MTMR9: variants seen among roughly 807,000 people sequenced by gnomAD.
The protein encoded by MTMR9 is myotubularin related protein 9.
A neutral mutation model predicts 69.5 loss-of-function variants in MTMR9; 39 were observed. That is an observed-to-expected ratio of 0.56 (90% CI 0.43 to 0.73). The LOEUF is 0.73. Ranked by LOEUF, MTMR9 falls within the 30% of genes least tolerant of loss-of-function variation. The pLI is 0.00. For missense variants in MTMR9, 900 were observed against 671.2 expected (o/e 1.34, Z -3.77); for synonymous variants, 354 against 240.8 (o/e 1.47, Z -4.35).
chr8:11,308,102 A>C (rs1800034177), intron 5 of MTMR9, among the ~76,000 whole-genome samples: 1 of 152,180 alleles, frequency 6.6e-6, no homozygotes, highest in Non-Finnish European at 1.5e-5. Context: ...GTCATATCCA[A>C]AATAACTTTT....
intron 3 of MTMR9, among the ~76,000 whole-genome samples, chr8:11,301,551 C>G (rs1799748655): frequency 6.6e-6 from 1 of 152,186 alleles, no homozygotes; most frequent in Admixed American, 6.5e-5. Context: ...TATCAAACCT[C>G]TTTAAGAAAG....
chr8:11,310,631 A>G (rs1800159983), intron 6 of MTMR9, among the ~76,000 whole-genome samples: 1 of 152,140 alleles, frequency 6.6e-6, no homozygotes, highest in South Asian at 2.1e-4. Flanking sequence ...TACCTAATAA[A>G]CTGTGGGAAT....
At chr8:11,311,406 T>C (rs145221712) in intron 6 of MTMR9, among the ~76,000 whole-genome samples, 119 of 152,342 alleles carry the variant, frequency 7.8e-4, no homozygotes, top group African/African-American at 2.8e-3. Flanking sequence ...CTTAGAGATG[T>C]TGCAGGTTTG....
intron 1 of MTMR9, chr8:11,294,918 TC>T (rs1482549308): frequency 9.5e-6 from 2 of 211,558 alleles, no homozygotes; most frequent in African/African-American, 4.7e-5. Flanking sequence ...CAGATCTTTT[TC>T]CTATTCTTTG....
At chr8:11,335,764 A>G in the MTMR9 span, among the ~76,000 whole-genome samples, 1 of 152,194 alleles carries the variant, frequency 6.6e-6, no homozygotes, top group South Asian at 2.1e-4. Flanking sequence ...CTCTGCCTTC[A>G]TCTATACATG....
At chr8:11,335,939 A>T in the MTMR9 span, among the ~76,000 whole-genome samples, 1 of 152,186 alleles carries the variant, frequency 6.6e-6, no homozygotes, top group South Asian at 2.1e-4. Context: ...CAACACGTGA[A>T]GTTGGGGGGA....
At chr8:11,312,413 C>A (rs551031065) in intron 6 of MTMR9, among the ~76,000 whole-genome samples, 2 of 152,218 alleles carry the variant, frequency 1.3e-5, no homozygotes, top group South Asian at 2.1e-4. Flanking sequence ...GTGGCACAGC[C>A]ATAGCTCATT....
downstream of MTMR9, among the ~76,000 whole-genome samples, chr8:11,330,093 C>T (rs1245557933): frequency 6.6e-5 from 10 of 151,814 alleles, no homozygotes; most frequent in East Asian, 9.8e-4. Flanking sequence ...CCGCCCCATC[C>T]GGGAGGGAGG....
rs1800113239 is a variant in MTMR9, at chr8:11,309,673, C to T, written c.956C>T (p.Ala319Val). The T allele has an allele frequency of 6.2e-7, 1 of 1,613,716 alleles. No individual in the cohort carries two copies. Among genetic ancestry groups the T allele is most frequent in the Non-Finnish European group, 8.5e-7 (1 of 1,179,848 alleles). ...ATTCTGACAACTGCCTGCCTAGCGG[C>T]TCAGTGCATCGACAGGTAAAGTGCA... Reference protein sequence around the residue: ...KEILTTACLAAQCIDREGASI... With the variant: ...KEILTTACLAVQCIDREGASI... The change falls in exon 6 of 10, where the codon GCT becomes GTT. Residue 319 changes from alanine to valine, a missense_variant. Physicochemically the swap from Ala to Val is moderately conservative, Grantham distance 64. Coordinates refer to ENST00000221086, the MANE Select transcript of MTMR9 (RefSeq NM_015458.4).
In MTMR9 at chr8:11,294,107, G is replaced by C. The variant is rs559894454; in HGVS notation, c.183-1087G>C. On this transcript the variant is annotated intron_variant, in intron 1 of 9. Transcript: ENST00000221086. ...CTGTGATTTTGTTTGGAATTATGTTGTATCACTGGATGAATTTGGGGAATA... is the reference window on the plus strand; with the variant it reads ...CTGTGATTTTGTTTGGAATTATGTTCTATCACTGGATGAATTTGGGGAATA... Among the ~76,000 whole-genome samples, 11 of 152,272 alleles carry C rather than the reference G, an allele frequency of 7.2e-5. No homozygotes were observed. The South Asian group carries it at 2.3e-3, about 32-fold the overall frequency.
At chr8:11,330,987 A>G (rs1382484114), downstream of MTMR9, 6 of 1,464,354 alleles carry the variant, frequency 4.1e-6, no homozygotes, top group East Asian at 2.4e-5. Context: ...TAGGCGTGCT[A>G]CCACCTCAGG....
intron 4 of MTMR9, 85 bp downstream of exon 4, chr8:11,305,099 C>G (rs370427713): frequency 1.9e-5 from 25 of 1,318,726 alleles, no homozygotes; most frequent in East Asian, 1.5e-4. Context: ...TGCTCTCTGT[C>G]TGTTCACTGA....
At chr8:11,339,007 G>T in the MTMR9 span, among the ~76,000 whole-genome samples, 2 of 152,174 alleles carry the variant, frequency 1.3e-5, no homozygotes, top group Non-Finnish European at 2.9e-5. Context: ...TTAGAGTAGG[G>T]TCATATAGTG....
chr8:11,330,956 G>A, downstream of MTMR9: 3 of 1,328,156 alleles, frequency 2.3e-6, no homozygotes, highest in Non-Finnish European at 3.0e-6. Context: ...AAAAGAAGCA[G>A]AGTTGGACTC....
chr8:11,305,147 A>G, intron 4 of MTMR9, 133 bp downstream of exon 4: 3 of 825,962 alleles, frequency 3.6e-6, no homozygotes, highest in African/African-American at 1.7e-5. Flanking sequence ...GGCTTCCTTC[A>G]TGTAAGCTTT....
chr8:11,286,897 T>G (rs1799183194), intron 1 of MTMR9, among the ~76,000 whole-genome samples: 1 of 152,208 alleles, frequency 6.6e-6, no homozygotes, highest in South Asian at 2.1e-4. Flanking sequence ...CATCTGTGTA[T>G]TTTATTGACT....
At chr8:11,306,547 T>A in intron 5 of MTMR9, 140 bp downstream of exon 5, 1 of 673,384 alleles carries the variant, frequency 1.5e-6, no homozygotes, top group Non-Finnish European at 2.4e-6. Context: ...CATCTTCTCA[T>A]TTTTTTTTGG....
In MTMR9 at chr8:11,316,722, C is replaced by T. The variant is rs1447552165; in HGVS notation, c.1163C>T (p.Thr388Ile). The T allele has an allele frequency of 6.2e-7, 1 of 1,613,520 alleles. No individual in the cohort carries two copies. Among genetic ancestry groups the T allele is most frequent in the Admixed American group, 1.7e-5 (1 of 59,954 alleles). Residue 388 changes from threonine (T) to isoleucine (I), a missense_variant, in exon 8 of 10, where the codon ACC (threonine) becomes ATC (isoleucine). By Grantham distance (89) the Thr-to-Ile change is moderately conservative. Coordinates refer to ENST00000221086, the MANE Select transcript of MTMR9 (RefSeq NM_015458.4). ...TGTGCACAGTCAGCCTACTGTAACA[C>T]CAAGCAGAAGTGGGAGGCTCCTGTA... Reference protein sequence around the residue: ...QRCAQSAYCNTKQKWEAPVFL... With the variant: ...QRCAQSAYCNIKQKWEAPVFL...
At chr8:11,332,887 A>G (rs557831735), downstream of MTMR9, among the ~76,000 whole-genome samples, 4 of 152,346 alleles carry the variant, frequency 2.6e-5, no homozygotes, top group East Asian at 3.9e-4. Context: ...GGCATTAGCC[A>G]CCACGCCCAG....
Sources: gnomAD v4.1 joint callset for allele counts (sites outside exome capture counted in the v4.1 genomes callset) on GRCh38, gnomAD v4.1.1 for gene constraint, MANE v1.5 for transcripts, NCBI Gene and HGNC (gene_info 2026-07-23, HGNC 2026-07-21) for gene names.